The following MAPK10 variants were observed in gnomAD, a reference collection of about 807,000 sequenced individuals.
The protein encoded by MAPK10 is JNK3 alpha protein kinase.
In MAPK10, 25 loss-of-function variants were observed where a neutral mutation model predicts 59.3. The observed-to-expected ratio is 0.42, with a 90% CI of 0.31 to 0.59. The LOEUF is 0.59. Ranked by LOEUF, MAPK10 falls within the 20% of genes least tolerant of loss-of-function variation. MAPK10 has a pLI of 0.15. For missense variants in MAPK10, 351 were observed against 568.9 expected, an observed-to-expected ratio of 0.62 and a Z score of 3.90; for synonymous variants, 190 against 200.5, an observed-to-expected ratio of 0.95 and a Z score of 0.44.
intron 2 of MAPK10, among the ~76,000 whole-genome samples, chr4:86,281,538 AAAT>A (rs898700132): frequency 5.9e-5 from 9 of 151,562 alleles, no homozygotes; most frequent in African/African-American, 2.2e-4. Flanking sequence ...AAATAAAATA[AAAT>A]AATAAAATAA....
intron 1 of MAPK10, among the ~76,000 whole-genome samples, chr4:86,359,152 T>A (rs1449301263): frequency 6.6e-6 from 1 of 152,028 alleles, no homozygotes; most frequent in East Asian, 1.9e-4. Flanking sequence ...TAAACATAAA[T>A]ACATACTAAA....
At chr4:86,523,389 C>A (rs1305996970) in intron 1 of MAPK10, among the ~76,000 whole-genome samples, 1 of 152,194 alleles carries the variant, frequency 6.6e-6, no homozygotes, top group African/African-American at 2.4e-5. Context: ...TCCAGGAGTG[C>A]TTTAAGCAGG....
chr4:86,303,873 T>C (rs1367604369), intron 2 of MAPK10, among the ~76,000 whole-genome samples: 1 of 152,190 alleles, frequency 6.6e-6, no homozygotes, highest in Non-Finnish European at 1.5e-5. Context: ...CTGCTATCAG[T>C]TTTCTACAAC....
intron 1 of MAPK10, among the ~76,000 whole-genome samples, chr4:86,391,650 A>G (rs1742200824): frequency 6.6e-6 from 1 of 152,212 alleles, no homozygotes; most frequent in Admixed American, 6.5e-5. Context: ...CATCTAGGAC[A>G]TGAAATTCCT....
At chr4:86,108,016 T>C (rs1247871119) in intron 4 of MAPK10, among the ~76,000 whole-genome samples, 1 of 152,150 alleles carries the variant, frequency 6.6e-6, no homozygotes, top group African/African-American at 2.4e-5. Context: ...ATTTTTAAGA[T>C]GTGATGTTAA....
chr4:86,573,431 T>C (rs959449896), intron 1 of MAPK10, among the ~76,000 whole-genome samples: 1 of 152,194 alleles, frequency 6.6e-6, no homozygotes, highest in African/African-American at 2.4e-5. Context: ...TGTGGGCATC[T>C]TTCTGTACTA....
rs527826071 is a variant in MAPK10, at chr4:86,415,014, T to C, written c.-122+38016A>G. Among the ~76,000 whole-genome samples the C allele has an allele frequency of 5.9e-5, 9 of 152,044 alleles. No homozygotes were observed. The East Asian group carries it at 1.4e-3, about 23-fold the overall frequency. ...TTAGCCAGGTGTTGTGGCATATTCC[T>C]GTACCCCCAGCTACTCAGGGGAGAC... is the stretch of plus-strand genomic sequence containing the variant. On this transcript the variant is annotated intron_variant, in intron 1 of 13. Coordinates refer to the MAPK10 transcript ENST00000361569.
chr4:86,159,654 G>GA (rs2068905179), intron 3 of MAPK10, among the ~76,000 whole-genome samples, 187 bp from the exon 4 acceptor site: 1 of 151,818 alleles, frequency 6.6e-6, no homozygotes, highest in Non-Finnish European at 1.5e-5. Flanking sequence ...AGAGCTTAGG[G>GA]AAAAAATGCA....
At chr4:86,075,418 T>G (rs2049084867) in intron 9 of MAPK10, among the ~76,000 whole-genome samples, 2 of 152,214 alleles carry the variant, frequency 1.3e-5, no homozygotes, top group African/African-American at 2.4e-5. Context: ...TCCATCCAGC[T>G]TTGTTCTGTT....
intron 1 of MAPK10, among the ~76,000 whole-genome samples, chr4:86,409,394 G>A (rs890283267): frequency 4.6e-5 from 7 of 151,944 alleles, no homozygotes; most frequent in African/African-American, 1.7e-4. Context: ...CTCTTTTTTT[G>A]GTTCCATATG....
At chr4:86,530,445 A>G (rs2149091077) in intron 1 of MAPK10, among the ~76,000 whole-genome samples, 1 of 152,298 alleles carries the variant, frequency 6.6e-6, no homozygotes, top group African/African-American at 2.4e-5. Flanking sequence ...GTACCACAGC[A>G]CACAGTGGGA....
At chr4:86,426,876 A>G (rs2149037638) in intron 1 of MAPK10, among the ~76,000 whole-genome samples, 1 of 152,302 alleles carries the variant, frequency 6.6e-6, no homozygotes, top group Admixed American at 6.5e-5. Flanking sequence ...AAAGTATTCT[A>G]TAAATGCTAG....
intron 11 of MAPK10, among the ~76,000 whole-genome samples, chr4:86,055,229 G>A (rs567615331): frequency 7.6e-6 from 1 of 132,318 alleles, no homozygotes; most frequent in East Asian, 1.9e-4. Flanking sequence ...TCACTAACAT[G>A]CTAAACATTA....
chr4:86,107,222 C>T lies in MAPK10; in HGVS notation c.366+1G>A. 1.9e-6 allele frequency: 3 copies of T among 1,605,806 alleles called. No homozygotes were observed. Among genetic ancestry groups the T allele is most frequent in the Non-Finnish European group, 2.5e-6 (3 of 1,177,038 alleles). On this transcript the variant is annotated splice_donor_variant, in intron 5 of 13. Coordinates refer to ENST00000641462, the MANE Select transcript of MAPK10 (RefSeq NM_138982.4). LOFTEE classifies it high-confidence loss of function. Reference sequence around the variant, plus strand: ...AGAAGTTTAAAAATAACAAAACTCACGTTTTTATGGTTCACACACTTCATG... The same window carrying T: ...AGAAGTTTAAAAATAACAAAACTCATGTTTTTATGGTTCACACACTTCATG...
chr4:86,353,046 C>T (rs957177292), intron 2 of MAPK10, among the ~76,000 whole-genome samples: 1 of 152,122 alleles, frequency 6.6e-6, no homozygotes, highest in African/African-American at 2.4e-5. Context: ...TGCATCCTCC[C>T]TTCCTCTGGC....
intron 11 of MAPK10, among the ~76,000 whole-genome samples, chr4:86,051,296 C>A (rs1399888554): frequency 1.3e-5 from 2 of 152,050 alleles, no homozygotes; most frequent in African/African-American, 4.8e-5. Context: ...GTAACCTTTT[C>A]AATATTCTGT....
intron 1 of MAPK10, among the ~76,000 whole-genome samples, chr4:86,555,938 A>G (rs1760235031): frequency 6.6e-6 from 1 of 152,232 alleles, no homozygotes; most frequent in South Asian, 2.1e-4. Flanking sequence ...CAGGAAGCTC[A>G]TTAATAAAGT....
At chr4:86,239,565 G>T (rs990729758) in intron 2 of MAPK10, among the ~76,000 whole-genome samples, 19 of 151,974 alleles carry the variant, frequency 1.3e-4, no homozygotes, top group Non-Finnish European at 2.4e-4. Flanking sequence ...CTTCTTACTG[G>T]TTTAGTCTTG....
chr4:86,567,223 ATT>A (rs139082508), intron 1 of MAPK10, among the ~76,000 whole-genome samples: 18 of 147,440 alleles, frequency 1.2e-4, no homozygotes, highest in Admixed American at 5.4e-4. Context: ...TTAGTTCTAA[ATT>A]TTTTTTTTTT....
Sources: allele counts gnomAD v4.1 joint callset (sites outside exome capture counted in the v4.1 genomes callset), GRCh38; gene constraint gnomAD v4.1.1; transcripts MANE v1.5; gene names NCBI Gene and HGNC (gene_info 2026-07-23, HGNC 2026-07-21).